ERO1A: variants seen among roughly 807,000 people sequenced by gnomAD.
ERO1A encodes the protein ERO1-like protein alpha.
In ERO1A, 49 loss-of-function variants were observed where a neutral mutation model predicts 76.9. The ratio of observed to expected loss-of-function variants is 0.64; its 90% CI spans 0.51 to 0.81. The LOEUF is 0.81. ERO1A is among the 30% of genes least tolerant of loss of function. The pLI is 0.00. For missense variants in ERO1A, 448 were observed against 542.1 expected, an observed-to-expected ratio of 0.83 and a Z score of 1.72; for synonymous variants, 174 against 181.2, an observed-to-expected ratio of 0.96 and a Z score of 0.32.
chr14:52,648,680 C>T (rs11621709), intron 13 of ERO1A, among the ~76,000 whole-genome samples: 26,458 of 151,974 alleles, frequency 0.17, 2,864 homozygotes, highest in African/African-American at 0.3. Context: ...TAAGAGACTC[C>T]CATACTTGTG....
At position 52,653,269 on chromosome 14, in the gene ERO1A, T is replaced by C. The variant is rs201448616; in HGVS notation, c.855A>G (p.Gln285=). The C allele has an allele frequency of 1.3e-5, 21 of 1,612,494 alleles. No homozygotes were observed. In the East Asian group the frequency reaches 2.7e-4, roughly 21 times the overall value. The stretch of plus-strand genomic sequence containing the variant: ...CAGTCAAAATTCCATCAAATCGCTG[T>C]TGAAATTCTGTAATGTTGTGTCCCC... The part of the protein sequence containing the change: ...KKWGHNITEF[Q]QRFDGILTEG... The change falls in exon 12 of 16, where the codon CAA becomes CAG. Residue 285 remains glutamine, a synonymous_variant. Transcript: ENST00000395686.
intron 4 of ERO1A, 179 bp downstream of exon 4, chr14:52,678,255 A>T: frequency 4.5e-6 from 2 of 443,760 alleles, no homozygotes; most frequent in Non-Finnish European, 8.0e-6. Flanking sequence ...AAATAAAATA[A>T]AATACATAAA....
intron 7 of ERO1A, among the ~76,000 whole-genome samples, chr14:52,664,760 G>C (rs532398907): frequency 9.2e-5 from 14 of 151,726 alleles, no homozygotes; most frequent in African/African-American, 3.4e-4. Flanking sequence ...GGTGCAATCT[G>C]GGCTCACTGC....
chr14:52,680,568 C>T (rs970474641), intron 3 of ERO1A, among the ~76,000 whole-genome samples: 30 of 152,028 alleles, frequency 2.0e-4, no homozygotes, highest in African/African-American at 6.3e-4. Flanking sequence ...TAATTAAACG[C>T]CTTTATTAAG....
intron 9 of ERO1A, among the ~76,000 whole-genome samples, chr14:52,659,095 C>A (rs2040146282): frequency 6.6e-6 from 1 of 151,994 alleles, no homozygotes; most frequent in Admixed American, 6.6e-5. Flanking sequence ...ATGCAAACAA[C>A]AAACTCAGTA....
In ERO1A at chr14:52,683,774, A is replaced by G. The variant is rs2041079006; in HGVS notation, c.234+14T>C. 8.0e-7 allele frequency: 1 copy of G among 1,245,704 alleles called. No individual in the cohort carries two copies. The highest frequency in any genetic ancestry group is 1.5e-5 in the African/African-American group (1 of 65,126). 77.2% of individuals were successfully genotyped at this position (1,245,704 alleles called of 1,614,324 possible). A position where few individuals can be genotyped will look rare whatever the true frequency, so the allele number is the denominator to read the frequency against. On this transcript the variant is annotated intron_variant, in intron 2 of 15. Coordinates refer to ENST00000395686, the MANE Select transcript of ERO1A (RefSeq NM_014584.3). ...TTAAAGTATTCATATATAAAAAATT[A>G]AAATTAAAAATACCTTGTAATACCT...
rs370383019 is a variant in ERO1A, at chr14:52,661,288, C to A, written c.688+5G>T. The A allele has an allele frequency of 9.5e-6, 12 of 1,269,786 alleles. No homozygotes were observed. The African/African-American group carries it at 1.8e-4, about 20-fold the overall frequency. The allele number at this position is 1,269,786 out of a possible 1,614,324, so 78.7% of individuals were successfully genotyped here. A position where few individuals can be genotyped will look rare whatever the true frequency, so the allele number is the denominator to read the frequency against. On this transcript the variant is annotated splice_donor_5th_base_variant and intron_variant, in intron 9 of 15. Transcript: ENST00000395686. ...TATATGTAATATATAATAAATTATACTTACCTTCACTTGTCCCTGAAAAGC... is the reference window on the plus strand; with the variant it reads ...TATATGTAATATATAATAAATTATAATTACCTTCACTTGTCCCTGAAAAGC...
chr14:52,664,091 A>C, intron 7 of ERO1A: 1 of 306,708 alleles, frequency 3.3e-6, no homozygotes, highest in Non-Finnish European at 6.1e-6. Flanking sequence ...CTTCAAACAA[A>C]AGAAGAGAAA....
intron 7 of ERO1A, among the ~76,000 whole-genome samples, chr14:52,665,296 CAA>C (rs34009141): frequency 2.1e-4 from 19 of 90,442 alleles, no homozygotes; most frequent in African/African-American, 5.8e-4. Flanking sequence ...GACTTCATCT[CAA>C]AAAAAAAAAA....
intron 1 of ERO1A, among the ~76,000 whole-genome samples, chr14:52,687,245 G>A (rs920155609): frequency 6.6e-6 from 1 of 151,964 alleles, no homozygotes; most frequent in African/African-American, 2.4e-5. Context: ...GAGCAACATG[G>A]TAAAACCCTG....
intron 1 of ERO1A, among the ~76,000 whole-genome samples, chr14:52,685,339 T>C (rs1270619582): frequency 6.6e-6 from 1 of 152,236 alleles, no homozygotes; most frequent in African/African-American, 2.4e-5. Flanking sequence ...ATGTAATAAC[T>C]ATTTTCATTT....
At chr14:52,673,715 T>C (rs1395676575) in intron 4 of ERO1A, among the ~76,000 whole-genome samples, 1 of 150,190 alleles carries the variant, frequency 6.7e-6, no homozygotes, top group African/African-American at 2.5e-5. Context: ...TTAGTATATA[T>C]ATAAATCACA....
At chr14:52,668,283 C>T (rs1282062393) in intron 6 of ERO1A, among the ~76,000 whole-genome samples, 4 of 152,122 alleles carry the variant, frequency 2.6e-5, no homozygotes, top group African/African-American at 4.8e-5. Context: ...TGGTGGCTCA[C>T]GCCTGTAATC....
At chr14:52,689,979 C>T (rs1296451307) in intron 1 of ERO1A, among the ~76,000 whole-genome samples, 3 of 152,168 alleles carry the variant, frequency 2.0e-5, no homozygotes, top group Non-Finnish European at 4.4e-5. Flanking sequence ...TAAACCCACA[C>T]ATGTCTGGCC....
chr14:52,649,023 T>C (rs1356570078), intron 13 of ERO1A, among the ~76,000 whole-genome samples: 1 of 152,168 alleles, frequency 6.6e-6, no homozygotes, highest in Non-Finnish European at 1.5e-5. Flanking sequence ...ATAACAATTA[T>C]GTACAATAAC....
rs145237049 is a variant in ERO1A, at chr14:52,645,396, G to A, written c.1346+758C>T. ...CGGCTCACTGCAACCTCTGCCTCCC[G>A]GGTTCAAGCGATTCTTCTGCCTCAG... On this transcript the variant is annotated intron_variant, in intron 15 of 15. Transcript: ENST00000395686. Among the ~76,000 whole-genome samples the A allele has an allele frequency of 6.1e-3, 911 of 148,716 alleles. 15 individuals are homozygous for A. The highest frequency in any genetic ancestry group is 0.021 in the African/African-American group (848 of 39,986).
intron 11 of ERO1A, among the ~76,000 whole-genome samples, chr14:52,656,179 T>A (rs997583365): frequency 1.1e-4 from 17 of 152,218 alleles, no homozygotes; most frequent in African/African-American, 3.9e-4. Context: ...GCCACCACTT[T>A]ACTCTCTACT....
intron 8 of ERO1A, among the ~76,000 whole-genome samples, chr14:52,661,921 A>T (rs946750966): frequency 4.8e-4 from 73 of 151,894 alleles, no homozygotes; most frequent in Admixed American, 3.9e-3. Context: ...ATATGTTTTT[A>T]AAAAAAAGAC....
In ERO1A at chr14:52,658,018, A is replaced by C. The variant is rs376081340; in HGVS notation, c.716-9T>G. ...TTTTTCTACACAGAGACCTAAGAAA[A>C]AGCAGTGACTTAGAAATAAAATTTC... On this transcript the variant is annotated splice_polypyrimidine_tract_variant and intron_variant, in intron 10 of 15. Transcript: ENST00000395686. 1.9e-6 allele frequency: 3 copies of C among 1,588,578 alleles called. No individual in the cohort carries two copies. The highest frequency in any genetic ancestry group is 1.3e-5 in the African/African-American group (1 of 74,080).
Sources: allele counts gnomAD v4.1 joint callset (sites outside exome capture counted in the v4.1 genomes callset), GRCh38; gene constraint gnomAD v4.1.1; transcripts MANE v1.5; gene names NCBI Gene and HGNC (gene_info 2026-07-23, HGNC 2026-07-21).